Variants in GPHN observed in about 807,000 individuals in gnomAD.
The protein encoded by GPHN is gephyrin.
In GPHN, 17 loss-of-function variants were observed where a neutral mutation model predicts 95.5. The observed-to-expected ratio is 0.18, with a 90% CI of 0.12 to 0.27. The LOEUF is 0.27. GPHN is among the 10% of genes least tolerant of loss of function. The pLI is 1.00. For missense variants in GPHN, 660 were observed against 978.1 expected (o/e 0.67, Z 4.34); for synonymous variants, 320 against 322.5 (o/e 0.99, Z 0.08).
the GPHN span, among the ~76,000 whole-genome samples, chr14:67,726,566 G>A: frequency 1.3e-5 from 2 of 152,166 alleles, no homozygotes; most frequent in South Asian, 4.1e-4. Context: ...GAGGCAGGGT[G>A]GGGTTCAGCG....
At chr14:66,938,480 GATAATTAATT>G (rs987514722) in intron 8 of GPHN, among the ~76,000 whole-genome samples, 4 of 152,070 alleles carry the variant, frequency 2.6e-5, no homozygotes, top group African/African-American at 9.7e-5. Flanking sequence ...TCAGTCCTGT[GATAATTAATT>G]ATTATTCAAA....
chr14:67,328,083 G>C, the GPHN span, among the ~76,000 whole-genome samples: 1 of 152,194 alleles, frequency 6.6e-6, no homozygotes, highest in African/African-American at 2.4e-5. Flanking sequence ...GGTTGAACTA[G>C]TTTACGGTCC....
chr14:67,334,735 A>ACTC, the GPHN span: 1 of 152,206 alleles, frequency 6.6e-6, no homozygotes, highest in African/African-American at 2.4e-5. Context: ...GATCTGAAAT[A>ACTC]CTCCAGTTTA....
intron 8 of GPHN, among the ~76,000 whole-genome samples, chr14:66,930,058 A>G (rs1217033769): frequency 6.6e-6 from 1 of 152,220 alleles, no homozygotes; most frequent in Non-Finnish European, 1.5e-5. Flanking sequence ...TGACCAACAG[A>G]TTGTTAGGTC....
intron 1 of GPHN, among the ~76,000 whole-genome samples, chr14:66,680,400 C>T (rs2066870370): frequency 6.6e-6 from 1 of 152,230 alleles, no homozygotes; most frequent in Non-Finnish European, 1.5e-5. Context: ...CACAACATTA[C>T]AGGGATTATT....
At chr14:66,888,694 A>G (rs1169023215) in intron 5 of GPHN, among the ~76,000 whole-genome samples, 2 of 152,176 alleles carry the variant, frequency 1.3e-5, no homozygotes, top group African/African-American at 2.4e-5. Context: ...TATAAGGCAT[A>G]TGGAAAACCC....
the GPHN span, among the ~76,000 whole-genome samples, chr14:67,459,752 C>T: frequency 8.5e-5 from 13 of 152,306 alleles, no homozygotes; most frequent in South Asian, 2.1e-4. Context: ...CTAATTGATT[C>T]GTTGATTGGG....
At chr14:67,528,737 A>AT in the GPHN span, among the ~76,000 whole-genome samples, 5 of 152,062 alleles carry the variant, frequency 3.3e-5, no homozygotes, top group African/African-American at 9.6e-5. Context: ...CGGACAGAGC[A>AT]TTTTGCATTG....
chr14:67,682,744 T>C, the GPHN span, among the ~76,000 whole-genome samples: 1 of 152,202 alleles, frequency 6.6e-6, no homozygotes. Context: ...TCCACTTCCA[T>C]GTACCCAAGA....
At position 66,872,788 on chromosome 14, in the gene GPHN, G is replaced by A. The variant is rs148329950; in HGVS notation, c.295-7151G>A. Among the ~76,000 whole-genome samples the A allele has an allele frequency of 3.7e-3, 563 of 151,808 alleles. 8 individuals carry two copies. The highest frequency in any genetic ancestry group is 0.02 in the Admixed American group (299 of 15,256). ...TGCGCACCTGTAATCACAGCTACTCGGAAGGCTGAGGTAGGAGAAACACTT... is the reference window on the plus strand; with the variant it reads ...TGCGCACCTGTAATCACAGCTACTCAGAAGGCTGAGGTAGGAGAAACACTT... On this transcript the variant is annotated intron_variant, in intron 4 of 22. Coordinates refer to ENST00000478722, the MANE Select transcript of GPHN (RefSeq NM_020806.5).
chr14:66,710,738 A>G (rs373119648), intron 2 of GPHN, among the ~76,000 whole-genome samples: 185 of 152,316 alleles, frequency 1.2e-3, no homozygotes, highest in African/African-American at 4.1e-3. Flanking sequence ...ATGAAATATT[A>G]GGTTTTCCAC....
At chr14:67,692,973 C>T in the GPHN span, 1 of 1,614,054 alleles carries the variant, frequency 6.2e-7, no homozygotes, top group Non-Finnish European at 8.5e-7. Context: ...TTCCCGATAC[C>T]TGTATTAGCT....
At chr14:67,524,461 A>G in the GPHN span, among the ~76,000 whole-genome samples, 27 of 152,198 alleles carry the variant, frequency 1.8e-4, no homozygotes, top group African/African-American at 6.3e-4. Flanking sequence ...GAGGAGTGAG[A>G]AGGGGTAGAC....
At chr14:67,440,487 C>T in the GPHN span, among the ~76,000 whole-genome samples, 2 of 152,050 alleles carry the variant, frequency 1.3e-5, no homozygotes, top group African/African-American at 4.8e-5. Context: ...CCGGACTGGG[C>T]GCGTGGCTCA....
intron 1 of GPHN, among the ~76,000 whole-genome samples, chr14:66,632,249 C>T (rs746627324): frequency 1.4e-4 from 22 of 152,054 alleles, no homozygotes; most frequent in Non-Finnish European, 2.1e-4. Context: ...TGATAGTTCC[C>T]CTGTAGGTAT....
At chr14:67,279,661 G>A in the GPHN span, 1 of 974,996 alleles carries the variant, frequency 1.0e-6, no homozygotes, top group East Asian at 2.7e-5. Context: ...TCCAGACCAA[G>A]ATCCTTTGTT....
intron 17 of GPHN, among the ~76,000 whole-genome samples, chr14:67,136,486 TCAA>T (rs2080086924): frequency 6.6e-6 from 1 of 152,216 alleles, no homozygotes; most frequent in African/African-American, 2.4e-5. Flanking sequence ...GACTTCTGGG[TCAA>T]CCTAAAAAAA....
chr14:67,352,714 C>A, the GPHN span: 1 of 455,936 alleles, frequency 2.2e-6, no homozygotes, highest in South Asian at 3.4e-5. Flanking sequence ...GGGGGCCAAT[C>A]AGATCAAGTG....
chr14:67,522,999 T>A, the GPHN span, among the ~76,000 whole-genome samples: 6 of 152,224 alleles, frequency 3.9e-5, no homozygotes, highest in African/African-American at 1.4e-4. Flanking sequence ...TGCCTAGTAC[T>A]GTGCTGTTTT....
Sources: allele counts gnomAD v4.1 joint callset (sites outside exome capture counted in the v4.1 genomes callset), GRCh38; gene constraint gnomAD v4.1.1; transcripts MANE v1.5; gene names NCBI Gene and HGNC (gene_info 2026-07-23, HGNC 2026-07-21).